Variants in AP3S2 observed in about 807,000 individuals in gnomAD.
AP3S2 encodes AP-3 complex subunit sigma-2.
Under a neutral mutation model 23.4 loss-of-function variants are expected in AP3S2, and 22 were observed. That is an observed-to-expected ratio of 0.94 (90% CI 0.67 to 1.34). AP3S2 has a LOEUF of 1.34. AP3S2 is among the 40% of genes most tolerant of loss of function. AP3S2 has a pLI of 0.00. For missense variants in AP3S2, 241 were observed against 236.9 expected, an observed-to-expected ratio of 1.02 and a Z score of -0.11; for synonymous variants, 86 against 87.1, an observed-to-expected ratio of 0.99 and a Z score of 0.07.
intron 4 of AP3S2, among the ~76,000 whole-genome samples, chr15:89,849,512 G>A (rs963622539): frequency 1.3e-5 from 2 of 151,806 alleles, no homozygotes; most frequent in African/African-American, 2.4e-5. Flanking sequence ...AACTACAGGC[G>A]CCCACCACCA....
intron 4 of AP3S2, among the ~76,000 whole-genome samples, chr15:89,866,609 C>T (rs1896128802): frequency 6.6e-6 from 1 of 151,846 alleles, no homozygotes; most frequent in Admixed American, 6.6e-5. Context: ...TCTCAGCCTC[C>T]TGAGTAGCTG....
At position 89,835,612 on chromosome 15, in the gene AP3S2, A is replaced by G. The variant is rs538209457; in HGVS notation, c.485T>C (p.Val162Ala). ...CAGGTTGATGTTTTTCACAGCAGAC[A>G]CAGCCCGCGCAGGGGCTGCTGAAAG... ...GGLSAAPARA[V>A]SAVKNINLPE... The change falls in exon 6 of 6, where the codon GTG becomes GCG. Residue 162 changes from valine to alanine, a missense_variant. By Grantham distance (64) the Val-to-Ala change is moderately conservative. Transcript: ENST00000336418. 3 of 1,613,516 alleles carry G rather than the reference A, an allele frequency of 1.9e-6. No homozygotes were observed. Among genetic ancestry groups the G allele is most frequent in the African/African-American group, 2.7e-5 (2 of 74,852 alleles).
Position 89,855,892 on chromosome 15 carries a change from A to C in AP3S2, c.345+15583T>G, listed in dbSNP as rs189950310. Among the ~76,000 whole-genome samples the C allele has an allele frequency of 2.1e-3, 310 of 147,074 alleles. 1 individual carries two copies. The highest frequency in any genetic ancestry group is 7.5e-3 in the African/African-American group (298 of 39,926). On this transcript the variant is annotated intron_variant, in intron 4 of 5. Transcript: ENST00000336418. The stretch of plus-strand genomic sequence containing the variant: ...GACTTTCTCAAAGAAAATGTATTTA[A>C]ATGTCTGCACCAATAATTCCAGCAT...
Position 89,837,721 on chromosome 15 carries a change from A to T in AP3S2, c.347T>A (p.Val116Glu). ...ELDLIFHMDK[V>E]HYILQEVVMG... ...CACCACCTCCTGGAGGATGTAGTGCACCTAAAAGGGAAGCAAAAATCAGGA... is the reference window on the plus strand; with the variant it reads ...CACCACCTCCTGGAGGATGTAGTGCTCCTAAAAGGGAAGCAAAAATCAGGA... Residue 116 changes from valine (V) to glutamate (E), a missense_variant and splice_region_variant, in exon 5 of 6, where the codon GTG (valine) becomes GAG (glutamate). Coordinates refer to ENST00000336418, the MANE Select transcript of AP3S2 (RefSeq NM_005829.5). 6.2e-7 allele frequency: 1 copy of T among 1,614,046 alleles called. No homozygotes were observed. The highest frequency in any genetic ancestry group is 8.5e-7 in the Non-Finnish European group (1 of 1,179,954).
chr15:89,866,920 G>A (rs1057103346), intron 4 of AP3S2, among the ~76,000 whole-genome samples: 2 of 151,890 alleles, frequency 1.3e-5, no homozygotes, highest in East Asian at 1.9e-4. Context: ...CATTCCAGCA[G>A]AGACACCTCA....
At chr15:89,892,407 C>T (rs891675526) in intron 1 of AP3S2, among the ~76,000 whole-genome samples, 4 of 152,164 alleles carry the variant, frequency 2.6e-5, no homozygotes, top group African/African-American at 9.7e-5. Flanking sequence ...CACAGTGGCT[C>T]ATGCCTGTAA....
At chr15:89,891,615 C>A (rs141547506) in intron 1 of AP3S2, among the ~76,000 whole-genome samples, 2 of 150,676 alleles carry the variant, frequency 1.3e-5, no homozygotes, top group South Asian at 2.1e-4. Flanking sequence ...ACCGAGATCA[C>A]GCCACTGCAG....
intron 4 of AP3S2, among the ~76,000 whole-genome samples, chr15:89,847,136 G>A (rs1421995465): frequency 4.6e-5 from 7 of 151,912 alleles, no homozygotes; most frequent in Non-Finnish European, 1.0e-4. Context: ...CAGCATTTTG[G>A]GAGGCCTAGG....
At chr15:89,859,260 CT>C (rs545738255) in intron 4 of AP3S2, among the ~76,000 whole-genome samples, 42 of 149,254 alleles carry the variant, frequency 2.8e-4, no homozygotes, top group South Asian at 8.5e-4. Context: ...TCCTTCCTTC[CT>C]TTTTTTCTTT....
intron 4 of AP3S2, among the ~76,000 whole-genome samples, chr15:89,844,269 T>C (rs555129449): frequency 1.7e-3 from 21 of 12,090 alleles, no homozygotes; most frequent in South Asian, 0.011. Flanking sequence ...CTTTCTTTCT[T>C]TCTCTCTCTC....
At chr15:89,884,779 TGG>T (rs1159281032) in intron 3 of AP3S2, among the ~76,000 whole-genome samples, 1 of 151,968 alleles carries the variant, frequency 6.6e-6, no homozygotes, top group African/African-American at 2.4e-5. Context: ...CCCGTGTAGC[TGG>T]GACTACAGGC....
intron 3 of AP3S2, among the ~76,000 whole-genome samples, chr15:89,873,749 G>A (rs1481307895): frequency 6.6e-6 from 1 of 152,066 alleles, no homozygotes; most frequent in East Asian, 1.9e-4. Context: ...TTTTGTGTGA[G>A]CAACAAGGCT....
chr15:89,873,036 T>A (rs1235205129), intron 3 of AP3S2, among the ~76,000 whole-genome samples: 1 of 152,250 alleles, frequency 6.6e-6, no homozygotes, highest in African/African-American at 2.4e-5. Flanking sequence ...AATTTCATAT[T>A]AGTGCCATTC....
chr15:89,873,154 A>AAT (rs1423383938), intron 3 of AP3S2, among the ~76,000 whole-genome samples: 2 of 152,290 alleles, frequency 1.3e-5, no homozygotes, highest in African/African-American at 4.8e-5. Context: ...AGCCCTTATA[A>AAT]TCCTGCAGTT....
At chr15:89,881,519 A>G (rs1046261125) in intron 3 of AP3S2, among the ~76,000 whole-genome samples, 1 of 152,220 alleles carries the variant, frequency 6.6e-6, no homozygotes, top group African/African-American at 2.4e-5. Flanking sequence ...CCACTACAAC[A>G]CACATCCAGA....
At chr15:89,893,800 C>G (rs753913363) in intron 1 of AP3S2, 81 bp downstream of exon 1, 94 of 1,414,656 alleles carry the variant, frequency 6.6e-5, no homozygotes, top group Non-Finnish European at 9.0e-5. Flanking sequence ...AGAGCGGTGC[C>G]CCCGGGCGCC....
Position 89,835,015 on chromosome 15 carries a change from C to G in AP3S2, c.*500G>C, listed in dbSNP as rs1016732445. 6.2e-6 allele frequency: 1 copy of G among 160,114 alleles called. No individual in the cohort carries two copies. The allele number at this position is 160,114 out of a possible 1,614,324, so 9.9% of individuals were successfully genotyped here. On this transcript the variant is annotated 3_prime_UTR_variant, in exon 6 of 6. Transcript: ENST00000336418. ...TGCCCTTACTTGCCACTCACCACAC[C>G]CCCAGATCTGAAGGGCCAGCCCTTT...
At chr15:89,869,777 A>C (rs1428028714) in intron 4 of AP3S2, among the ~76,000 whole-genome samples, 1 of 150,874 alleles carries the variant, frequency 6.6e-6, no homozygotes, top group African/African-American at 2.4e-5. Flanking sequence ...TTTTTGAGAC[A>C]CAGTCTCGCT....
chr15:89,890,762 C>T (rs969064242), intron 1 of AP3S2, among the ~76,000 whole-genome samples: 1 of 152,038 alleles, frequency 6.6e-6, no homozygotes, highest in African/African-American at 2.4e-5. Context: ...CTTTCTATAG[C>T]CCTGAATTTA....
Sources: allele counts gnomAD v4.1 joint callset (sites outside exome capture counted in the v4.1 genomes callset), GRCh38; gene constraint gnomAD v4.1.1; transcripts MANE v1.5; gene names NCBI Gene and HGNC (gene_info 2026-07-23, HGNC 2026-07-21).